The following SOX6 variants were observed in gnomAD, a reference collection of about 807,000 sequenced individuals.
SOX6 encodes the protein SRY-box transcription factor 6.
In SOX6, 11 loss-of-function variants were observed where a neutral mutation model predicts 97.8. That is an observed-to-expected ratio of 0.11 (90% CI 0.07 to 0.19). The LOEUF (loss-of-function observed/expected upper bound fraction) is 0.19, where lower values mean the gene tolerates loss of function less well. SOX6 is among the 10% of genes least tolerant of loss of function. The pLI is 1.00. For missense variants in SOX6, 810 were observed against 1,039.5 expected, an observed-to-expected ratio of 0.78 and a Z score of 3.04; for synonymous variants, 360 against 371.4, an observed-to-expected ratio of 0.97 and a Z score of 0.35.
intron 6 of SOX6, among the ~76,000 whole-genome samples, chr11:16,147,504 T>TA (rs965450976): frequency 4.0e-5 from 6 of 150,892 alleles, no homozygotes; most frequent in African/African-American, 1.2e-4. Flanking sequence ...AGTATAATAA[T>TA]AAAAAAAAAT....
chr11:16,450,177 G>A (rs1304554602), intron 1 of SOX6, among the ~76,000 whole-genome samples: 2 of 152,096 alleles, frequency 1.3e-5, no homozygotes. Context: ...TAAAAATCCA[G>A]GTAACTGACT....
intron 12 of SOX6, among the ~76,000 whole-genome samples, chr11:16,028,653 C>T (rs2133881755): frequency 6.6e-6 from 1 of 152,298 alleles, no homozygotes; most frequent in South Asian, 2.1e-4. Context: ...TTAGGCAACA[C>T]TGCAAGACCG....
intron 14 of SOX6, among the ~76,000 whole-genome samples, chr11:15,987,529 AC>A (rs1853894865): frequency 6.6e-6 from 1 of 152,122 alleles, no homozygotes; most frequent in Non-Finnish European, 1.5e-5. Context: ...TAATTTTTTC[AC>A]AGAATGCACA....
chr11:16,058,545 C>T (rs1847873047), intron 9 of SOX6, among the ~76,000 whole-genome samples: 1 of 152,056 alleles, frequency 6.6e-6, no homozygotes. Flanking sequence ...AGAAAGTCTG[C>T]TTTTTCATTG....
chr11:16,359,339 A>G (rs996979905), upstream of SOX6, among the ~76,000 whole-genome samples: 7 of 152,124 alleles, frequency 4.6e-5, no homozygotes, highest in African/African-American at 1.7e-4. Flanking sequence ...AAAAATATCT[A>G]GTAGGACAGA....
chr11:16,355,783 C>T (rs1036832186), intron 1 of SOX6, among the ~76,000 whole-genome samples: 4 of 151,882 alleles, frequency 2.6e-5, no homozygotes, highest in African/African-American at 9.7e-5. Flanking sequence ...GATAATAGTA[C>T]TCAGGACCTT....
chr11:15,973,210 G>T, intron 15 of SOX6, 98 bp from the exon 16 acceptor site: 3 of 1,193,596 alleles, frequency 2.5e-6, no homozygotes, highest in East Asian at 2.4e-5. Flanking sequence ...TCAAAAGGGA[G>T]CCCTAAATAA....
chr11:16,148,059 T>A (rs1442485198), intron 6 of SOX6, among the ~76,000 whole-genome samples: 2 of 152,152 alleles, frequency 1.3e-5, no homozygotes, highest in Non-Finnish European at 2.9e-5. Context: ...CTGTAATAAT[T>A]TTTATAGCCA....
rs1181691150 is a variant in SOX6, at chr11:16,605,194, G to T, written n.609+6887C>A. 4.6e-5 allele frequency among the ~76,000 whole-genome samples: 7 copies of T among 151,986 alleles called. No homozygotes were observed. Among genetic ancestry groups the T allele is most frequent in the Non-Finnish European group, 1.0e-4 (7 of 67,946 alleles). On this transcript the variant is annotated intron_variant and non_coding_transcript_variant, in intron 4 of 5. Coordinates refer to the SOX6 transcript ENST00000524520. The surrounding 1 kb of genome is among the most constrained non-coding windows in gnomAD (Gnocchi z 5.3). Reference sequence around the variant, plus strand: ...ACGGCGGGTGGCGGGGCCCCGGCAGGGCGCCGAGAAGGACGGAGGGCGCCG... The same window carrying T: ...ACGGCGGGTGGCGGGGCCCCGGCAGTGCGCCGAGAAGGACGGAGGGCGCCG...
chr11:16,258,793 G>A (rs891206856), intron 3 of SOX6, among the ~76,000 whole-genome samples: 1 of 151,536 alleles, frequency 6.6e-6, no homozygotes, highest in Non-Finnish European at 1.5e-5. Flanking sequence ...GATAATAGGG[G>A]AGTCTGAGAG....
At chr11:16,651,911 G>T (rs909282666) in intron 3 of SOX6, among the ~76,000 whole-genome samples, 1 of 151,774 alleles carries the variant, frequency 6.6e-6, no homozygotes, top group African/African-American at 2.4e-5. Flanking sequence ...GATCTGATAA[G>T]TAAAGCTTCA....
At chr11:16,548,700 G>A (rs1313698957) in intron 4 of SOX6, among the ~76,000 whole-genome samples, 1 of 152,072 alleles carries the variant, frequency 6.6e-6, no homozygotes, top group African/African-American at 2.4e-5. Context: ...GGAAGATGTT[G>A]GTCAAAGGAT....
At chr11:16,421,768 A>G (rs2133065755) in intron 1 of SOX6, among the ~76,000 whole-genome samples, 1 of 152,348 alleles carries the variant, frequency 6.6e-6, no homozygotes, top group South Asian at 2.1e-4. Context: ...TCAAGTAAAA[A>G]CTGTGAATGA....
At chr11:16,518,478 A>G (rs1406967560) in intron 4 of SOX6, among the ~76,000 whole-genome samples, 1 of 152,192 alleles carries the variant, frequency 6.6e-6, no homozygotes, top group African/African-American at 2.4e-5. Flanking sequence ...TTTATATAAT[A>G]CCTATTGTCT....
At chr11:16,725,557 G>A (rs1383083717) in intron 2 of SOX6, among the ~76,000 whole-genome samples, 1 of 152,014 alleles carries the variant, frequency 6.6e-6, no homozygotes, top group African/African-American at 2.4e-5. Context: ...ACCACATATT[G>A]TATGATTCCA....
At chr11:16,597,064 A>G (rs1159386100) in intron 4 of SOX6, among the ~76,000 whole-genome samples, 1 of 152,126 alleles carries the variant, frequency 6.6e-6, no homozygotes, top group Non-Finnish European at 1.5e-5. Context: ...CTGAAGCAAA[A>G]CCCAATTGAA....
At chr11:16,200,735 C>T (rs182678066) in intron 4 of SOX6, among the ~76,000 whole-genome samples, 1 of 152,212 alleles carries the variant, frequency 6.6e-6, no homozygotes, top group African/African-American at 2.4e-5. Context: ...TACTTGATTA[C>T]ATCATTTTTA....
intron 3 of SOX6, among the ~76,000 whole-genome samples, chr11:16,676,874 G>A (rs1176721879): frequency 6.6e-6 from 1 of 151,632 alleles, no homozygotes; most frequent in South Asian, 2.1e-4. Context: ...AAAACTTGAG[G>A]TCTTTCTCAG....
At chr11:16,389,157 A>G (rs1687452713) in intron 1 of SOX6, among the ~76,000 whole-genome samples, 1 of 152,070 alleles carries the variant, frequency 6.6e-6, no homozygotes, top group African/African-American at 2.4e-5. Context: ...ATCTTAGTTC[A>G]CTGCAGACTT....
Sources: gnomAD v4.1 joint callset for allele counts (sites outside exome capture counted in the v4.1 genomes callset) on GRCh38, gnomAD v4.1.1 for gene constraint, Gnocchi (gnomAD v3.1) non-coding constraint, MANE v1.5 for transcripts, NCBI Gene and HGNC (gene_info 2026-07-23, HGNC 2026-07-21) for gene names.